The following RCBTB1 variants were observed in gnomAD, a reference collection of about 807,000 sequenced individuals.
RCBTB1 encodes the protein RCC1 and BTB domain containing protein 1, also known as RCC1 and BTB domain-containing protein 1.
A neutral mutation model predicts 62.4 loss-of-function variants in RCBTB1; 46 were observed. The observed-to-expected ratio is 0.74, with a 90% CI of 0.58 to 0.94. The LOEUF is 0.94. Ranked by LOEUF, RCBTB1 falls within the 40% of genes least tolerant of loss-of-function variation. RCBTB1 has a pLI of 0.00. For synonymous variants in RCBTB1, 222 were observed against 245.8 expected (o/e 0.90, Z 0.91); for missense variants, 565 against 654.9 (o/e 0.86, Z 1.50).
chr13:49,556,037 G>A (rs1390045647), intron 5 of RCBTB1, among the ~76,000 whole-genome samples: 2 of 152,028 alleles, frequency 1.3e-5, no homozygotes, highest in Non-Finnish European at 2.9e-5. Context: ...GTGTGTGTGT[G>A]TATACACACA....
chr13:49,545,232 A>G (rs1475725594), intron 9 of RCBTB1, among the ~76,000 whole-genome samples: 1 of 152,192 alleles, frequency 6.6e-6, no homozygotes, highest in African/African-American at 2.4e-5. Context: ...TGACTGAAAC[A>G]CTAAGAATAT....
At chr13:49,573,052 C>A (rs115247033) in intron 2 of RCBTB1, among the ~76,000 whole-genome samples, 2 of 152,014 alleles carry the variant, frequency 1.3e-5, no homozygotes, top group African/African-American at 4.8e-5. Flanking sequence ...TTATAAGCAC[C>A]CCCCAAGGAA....
intron 2 of RCBTB1, among the ~76,000 whole-genome samples, chr13:49,568,654 A>C (rs12877372): frequency 1.6e-3 from 41 of 25,734 alleles, no homozygotes; most frequent in African/African-American, 6.2e-3. Flanking sequence ...AGGCCGGGGG[A>C]GGGGGGTGGC....
Position 49,540,823 on chromosome 13 carries a change from C to T in RCBTB1, c.1455+53G>A, listed in dbSNP as rs868073218. 4.9e-5 allele frequency: 77 copies of T among 1,573,624 alleles called. No homozygotes were observed. The Middle Eastern group carries it at 1.2e-3, about 24-fold the overall frequency. On this transcript the variant is annotated intron_variant, in intron 12 of 12. Transcript: ENST00000378302. Reference sequence around the variant, plus strand: ...TGCCTCACGCAAGAAGCGGGGGAGACGAGCACAAAGGGAGTTAAAGGTGGT... The same window carrying T: ...TGCCTCACGCAAGAAGCGGGGGAGATGAGCACAAAGGGAGTTAAAGGTGGT...
At chr13:49,551,248 A>T (rs950401192) in intron 8 of RCBTB1, 78 bp downstream of exon 8, 2 of 1,516,996 alleles carry the variant, frequency 1.3e-6, no homozygotes, top group African/African-American at 2.8e-5. Context: ...TCACAAAGCC[A>T]AACACCACAG....
intron 10 of RCBTB1, among the ~76,000 whole-genome samples, chr13:49,544,178 AAAC>A (rs1260608240): frequency 2.6e-5 from 4 of 152,218 alleles, no homozygotes; most frequent in Non-Finnish European, 2.9e-5. Context: ...TTAATTTAAA[AAAC>A]AATATAAGCT....
At chr13:49,578,285 T>G (rs1443523812) in intron 2 of RCBTB1, among the ~76,000 whole-genome samples, 1 of 152,246 alleles carries the variant, frequency 6.6e-6, no homozygotes, top group Non-Finnish European at 1.5e-5. Context: ...TTGTTAACGT[T>G]TATTGCTTGG....
intron 12 of RCBTB1, among the ~76,000 whole-genome samples, chr13:49,537,502 G>A (rs115258698): frequency 3.3e-5 from 5 of 152,312 alleles, no homozygotes; most frequent in African/African-American, 1.2e-4. Context: ...ACCAACTTCA[G>A]AATTAGATTC....
At chr13:49,567,472 G>T in intron 2 of RCBTB1, 152 bp from the exon 3 acceptor site, 1 of 595,246 alleles carries the variant, frequency 1.7e-6, no homozygotes, top group Non-Finnish European at 2.9e-6. Context: ...CCCCAGCCAT[G>T]TGTGCAATCC....
At chr13:49,567,068 C>T in intron 3 of RCBTB1, 86 bp downstream of exon 3, 1 of 1,270,582 alleles carries the variant, frequency 7.9e-7, no homozygotes, top group East Asian at 2.3e-5. Context: ...TTATACCCCG[C>T]CTTTTCTCCA....
chr13:49,537,567 C>CT (rs1480773585), intron 12 of RCBTB1, among the ~76,000 whole-genome samples: 3 of 152,188 alleles, frequency 2.0e-5, no homozygotes, highest in African/African-American at 2.4e-5. Context: ...ATATAAGTTG[C>CT]TTAGCACACA....
intron 10 of RCBTB1, among the ~76,000 whole-genome samples, chr13:49,543,283 TC>T (rs1296967976): frequency 6.6e-6 from 1 of 151,574 alleles, no homozygotes; most frequent in East Asian, 1.9e-4. Flanking sequence ...AGAAAAAGAA[TC>T]CATTCAGAAT....
At chr13:49,548,202 C>T (rs1288118925) in intron 9 of RCBTB1, among the ~76,000 whole-genome samples, 1 of 151,848 alleles carries the variant, frequency 6.6e-6, no homozygotes, top group African/African-American at 2.4e-5. Context: ...CCAGCCTGAT[C>T]AACATTGTGA....
At chr13:49,565,923 A>G (rs1361967767) in intron 4 of RCBTB1, among the ~76,000 whole-genome samples, 1 of 151,386 alleles carries the variant, frequency 6.6e-6, no homozygotes, top group Non-Finnish European at 1.5e-5. Flanking sequence ...TACTAAGAAA[A>G]ATTCTTCTGC....
intron 6 of RCBTB1, among the ~76,000 whole-genome samples, chr13:49,555,189 G>A (rs1356626037): frequency 2.0e-5 from 3 of 152,158 alleles, no homozygotes; most frequent in African/African-American, 7.2e-5. Flanking sequence ...TTGTTTCATT[G>A]GAAGAGAAAG....
chr13:49,564,441 C>A (rs559067685), intron 4 of RCBTB1, among the ~76,000 whole-genome samples: 1 of 151,168 alleles, frequency 6.6e-6, no homozygotes, highest in South Asian at 2.1e-4. Flanking sequence ...AAAAATTAGC[C>A]GGGGCGTGGT....
At chr13:49,564,890 C>CA (rs35078637) in intron 4 of RCBTB1, among the ~76,000 whole-genome samples, 55 of 141,698 alleles carry the variant, frequency 3.9e-4, no homozygotes, top group Admixed American at 1.2e-3. Flanking sequence ...GACTCCGTCT[C>CA]AAAAAAAAAA....
intron 12 of RCBTB1, 109 bp from the exon 13 acceptor site, chr13:49,534,371 G>C (rs909652353): frequency 1.7e-6 from 2 of 1,168,930 alleles, no homozygotes; most frequent in Non-Finnish European, 2.4e-6. Context: ...CCCCAGAAAA[G>C]ATATTTGAGA....
chr13:49,538,974 A>G (rs750645132), intron 12 of RCBTB1, among the ~76,000 whole-genome samples: 1 of 151,458 alleles, frequency 6.6e-6, no homozygotes, highest in Non-Finnish European at 1.5e-5. Flanking sequence ...GATTCAAGCA[A>G]TTCTCCTGCC....
Sources: allele counts gnomAD v4.1 joint callset (sites outside exome capture counted in the v4.1 genomes callset), GRCh38; gene constraint gnomAD v4.1.1; transcripts MANE v1.5; gene names NCBI Gene and HGNC (gene_info 2026-07-23, HGNC 2026-07-21).